NRL: variants seen among roughly 807,000 people sequenced by gnomAD.
The protein encoded by NRL is neural retina leucine zipper, also known as neural retina-specific leucine zipper protein.
In NRL, 16 loss-of-function variants were observed where a neutral mutation model predicts 12.5. The ratio of observed to expected loss-of-function variants is 1.28; its 90% CI spans 0.87 to 1.95. The LOEUF (loss-of-function observed/expected upper bound fraction) is 1.95, where lower values mean the gene tolerates loss of function less well. Ranked by LOEUF, NRL falls within the 30% of genes most tolerant of loss-of-function variation. The pLI is 0.00. For synonymous variants in NRL, 142 were observed against 150.9 expected (o/e 0.94, Z 0.43); for missense variants, 314 against 325.8 (o/e 0.96, Z 0.28).
At chr14:24,100,263 A>C (rs1190784202) in intron 1 of NRL, 2 of 1,597,612 alleles carry the variant, frequency 1.3e-6, no homozygotes, top group South Asian at 2.3e-5. Flanking sequence ...TCAGCACCTT[A>C]ATGGTGGAAA....
At chr14:24,113,395 T>C (rs2037457390) in intron 1 of NRL, among the ~76,000 whole-genome samples, 2 of 151,960 alleles carry the variant, frequency 1.3e-5, no homozygotes, top group South Asian at 4.2e-4. Context: ...AAAAAATGAT[T>C]CCGTCACATT....
At chr14:24,084,062 G>A (rs895415354) in intron 1 of NRL, among the ~76,000 whole-genome samples, 7 of 152,168 alleles carry the variant, frequency 4.6e-5, no homozygotes, top group African/African-American at 1.4e-4. Context: ...CCAGGGCTTA[G>A]ACTTCGGCTC....
Position 24,081,177 on chromosome 14 carries a change from C to T in NRL, c.*59G>A. The T allele has an allele frequency of 2.4e-6, 3 of 1,234,560 alleles. No individual in the cohort carries two copies. Among genetic ancestry groups the T allele is most frequent in the Non-Finnish European group, 3.2e-6 (3 of 942,332 alleles). 76.5% of individuals were successfully genotyped at this position (1,234,560 alleles called of 1,614,324 possible). On this transcript the variant is annotated 3_prime_UTR_variant, in exon 3 of 3. Coordinates refer to ENST00000561028, the MANE Select transcript of NRL (RefSeq NM_001354768.3). This position sits in a 1 kb window ranked among gnomAD's most constrained non-coding sequence, Gnocchi z 4.4. Reference sequence around the variant, plus strand: ...AACGATGCAGAGAACCGTGCAGCCGCCTCCTGGGCGGAGCCACCCCACCCA... The same window carrying T: ...AACGATGCAGAGAACCGTGCAGCCGTCTCCTGGGCGGAGCCACCCCACCCA...
At chr14:24,098,150 G>A (rs920599399) in intron 1 of NRL, 16 of 1,517,078 alleles carry the variant, frequency 1.1e-5, no homozygotes, top group Non-Finnish European at 1.4e-5. Context: ...GTGGGTCTAG[G>A]GACAAGGGAA....
Position 24,104,205 on chromosome 14 carries a change from C to T in NRL, c.-28+10517G>A. On this transcript the variant is annotated intron_variant, in intron 1 of 2. Transcript: ENST00000561028. ...CACCTGTCTCACAATCATCTTCTTCCAGCCCCTAGAAGAAGCACAGCCTGG... is the reference window on the plus strand; with the variant it reads ...CACCTGTCTCACAATCATCTTCTTCTAGCCCCTAGAAGAAGCACAGCCTGG... 4 of 528,420 alleles carry T rather than the reference C, an allele frequency of 7.6e-6. No individual in the cohort carries two copies. The Admixed American group carries it at 9.6e-5, about 13-fold the overall frequency. The allele number at this position is 528,420 out of a possible 1,614,324, so 32.7% of individuals were successfully genotyped here. A position where few individuals can be genotyped will look rare whatever the true frequency, so the allele number is the denominator to read the frequency against.
intron 1 of NRL, among the ~76,000 whole-genome samples, chr14:24,111,565 C>G (rs1027252799): frequency 1.3e-5 from 2 of 151,744 alleles, no homozygotes; most frequent in Non-Finnish European, 1.5e-5. Flanking sequence ...CGGGGTTTCA[C>G]CATGTTGGCC....
Position 24,085,564 on chromosome 14 carries a change from C to T in NRL, c.-27-2689G>A, listed in dbSNP as rs551216479. 1.2e-4 allele frequency among the ~76,000 whole-genome samples: 19 copies of T among 152,318 alleles called. No homozygotes were observed. Among genetic ancestry groups the T allele is most frequent in the African/African-American group, 4.3e-4 (18 of 41,570 alleles). Reference sequence around the variant, plus strand: ...AGGAGATGTTTAAACCTGTCCGAAGCTGTTTAAATAGGGTCTATGGAGTTA... The same window carrying T: ...AGGAGATGTTTAAACCTGTCCGAAGTTGTTTAAATAGGGTCTATGGAGTTA... On this transcript the variant is annotated intron_variant, in intron 1 of 2. Transcript: ENST00000561028. This position sits in a 1 kb window ranked among gnomAD's most constrained non-coding sequence, Gnocchi z 4.1.
chr14:24,098,443 A>G (rs754795214), intron 1 of NRL: 24 of 1,613,368 alleles, frequency 1.5e-5, no homozygotes, highest in Non-Finnish European at 1.9e-5. Context: ...CAGGTTTGGA[A>G]CCCTTCATCC....
chr14:24,080,864 A>T lies in NRL; in HGVS notation c.*372T>A, dbSNP rs1485780667. On this transcript the variant is annotated 3_prime_UTR_variant, in exon 3 of 3. Coordinates refer to ENST00000561028, the MANE Select transcript of NRL (RefSeq NM_001354768.3). ...TTGCTAATTACAGCTTTAATGTGTT[A>T]CAGGTTGAAAACCCTGAATTAAAAA... The T allele has an allele frequency of 4.9e-6, 1 of 205,782 alleles. No homozygotes were observed. The highest frequency in any genetic ancestry group is 9.7e-6 in the Non-Finnish European group (1 of 103,254). 12.7% of individuals were successfully genotyped at this position (205,782 alleles called of 1,614,324 possible).
rs1566559819 is a variant in NRL, at chr14:24,081,730, G to T, written c.382-162C>A. 3 of 1,521,200 alleles carry T rather than the reference G, an allele frequency of 2.0e-6. No individual in the cohort carries two copies. In the South Asian group the frequency reaches 3.7e-5, roughly 19 times the overall value. 94.2% of individuals were successfully genotyped at this position (1,521,200 alleles called of 1,614,324 possible). On this transcript the variant is annotated intron_variant, in intron 2 of 2. Coordinates refer to ENST00000561028, the MANE Select transcript of NRL (RefSeq NM_001354768.3). The surrounding 1 kb of genome is among the most constrained non-coding windows in gnomAD (Gnocchi z 4.4). ...CGCAGTCTGTTTCGGTCCAGAGCCCGCCCCAGGCCCCGACGCTCCCCGGGC... is the reference window on the plus strand; with the variant it reads ...CGCAGTCTGTTTCGGTCCAGAGCCCTCCCCAGGCCCCGACGCTCCCCGGGC...
In NRL at chr14:24,081,247, GGT is replaced by G. The variant is rs2036273018; in HGVS notation, c.701_702del (p.His234ProfsTer13). ...GTGCTCTGAACGGCTCAGAGGAAGA[GGT>G]GGGAGGGGTCCCCGGACCCGGGGCC... The part of the protein sequence containing the change: ...SSGPGSGDPS[H>X]LFL On this transcript the variant is annotated frameshift_variant, in exon 3 of 3. Transcript: ENST00000561028. LOFTEE classifies it high-confidence loss of function. The surrounding 1 kb of genome is among the most constrained non-coding windows in gnomAD (Gnocchi z 4.4). 1 of 1,504,664 alleles carries G rather than the reference GGT, an allele frequency of 6.6e-7. No homozygotes were observed. Among genetic ancestry groups the G allele is most frequent in the Non-Finnish European group, 8.9e-7 (1 of 1,125,154 alleles). The allele number at this position is 1,504,664 out of a possible 1,614,324, so 93.2% of individuals were successfully genotyped here.
At chr14:24,096,830 A>G in intron 1 of NRL, 1 of 1,493,906 alleles carries the variant, frequency 6.7e-7, no homozygotes, top group Admixed American at 1.7e-5. Context: ...CTGTCTCTCC[A>G]CCACCTGCCT....
At chr14:24,103,070 G>A in intron 1 of NRL, 2 of 1,235,692 alleles carry the variant, frequency 1.6e-6, no homozygotes, top group Non-Finnish European at 2.4e-6. Context: ...GAGGTCTTAG[G>A]AGAGAGAGTA....
rs1052758605 is a variant in NRL, at chr14:24,079,511, G to A, written c.*1725C>T. On this transcript the variant is annotated 3_prime_UTR_variant, in exon 3 of 3. Coordinates refer to ENST00000561028, the MANE Select transcript of NRL (RefSeq NM_001354768.3). ...CAATGGTGGGGAAGGGAGAGGAGAC[G>A]AGAGAAATTCTGAGAGCGATGGAGG... Among the ~76,000 whole-genome samples, 2 of 152,174 alleles carry A rather than the reference G, an allele frequency of 1.3e-5. No individual in the cohort carries two copies. The highest frequency in any genetic ancestry group is 6.5e-5 in the Admixed American group (1 of 15,282).
At chr14:24,082,432 C>T in intron 2 of NRL, 36 bp downstream of exon 2, 1 of 1,611,262 alleles carries the variant, frequency 6.2e-7, no homozygotes, top group Non-Finnish European at 8.5e-7. Flanking sequence ...CCTTCCTTGC[C>T]CTGCCTCCCC....
At chr14:24,098,648 C>T (rs2037011529) in intron 1 of NRL, 2 of 1,613,920 alleles carry the variant, frequency 1.2e-6, no homozygotes, top group East Asian at 4.5e-5. Flanking sequence ...CAAGTGTCTG[C>T]ACTCCGTGGG....
chr14:24,103,869 A>G (rs1488749013), intron 1 of NRL: 1 of 1,614,170 alleles, frequency 6.2e-7, no homozygotes, highest in Non-Finnish European at 8.5e-7. Flanking sequence ...GGTTCGTGAC[A>G]TTCGGAGCTA....
chr14:24,089,415 T>A (rs556365249), intron 1 of NRL, among the ~76,000 whole-genome samples: 14 of 152,038 alleles, frequency 9.2e-5, no homozygotes, highest in Middle Eastern at 6.8e-3. Flanking sequence ...CCTGGCTACT[T>A]TTTTATTTTT....
chr14:24,103,748 A>G, intron 1 of NRL: 1 of 1,614,174 alleles, frequency 6.2e-7, no homozygotes, highest in Non-Finnish European at 8.5e-7. Flanking sequence ...ACAGTGCCCG[A>G]GAGACACCCA....
Sources: allele counts gnomAD v4.1 joint callset (sites outside exome capture counted in the v4.1 genomes callset), GRCh38; gene constraint gnomAD v4.1.1; non-coding constraint Gnocchi (gnomAD v3.1); transcripts MANE v1.5; gene names NCBI Gene and HGNC (gene_info 2026-07-23, HGNC 2026-07-21).